ADGRG3: variants seen among roughly 807,000 people sequenced by gnomAD.
ADGRG3 encodes adhesion G protein-coupled receptor G3.
In ADGRG3, 39 loss-of-function variants were observed where a neutral mutation model predicts 54.3. That is an observed-to-expected ratio of 0.72 (90% CI 0.56 to 0.94). The LOEUF (loss-of-function observed/expected upper bound fraction) is 0.94, where lower values mean the gene tolerates loss of function less well. Among genes scored for constraint, ADGRG3 ranks in the 40% least tolerant of loss-of-function variants. The pLI is 0.00. For synonymous variants in ADGRG3, 312 were observed against 290.0 expected, an observed-to-expected ratio of 1.08 and a Z score of -0.77; for missense variants, 654 against 694.6, an observed-to-expected ratio of 0.94 and a Z score of 0.66.
chr16:57,679,718 C>A, intron 5 of ADGRG3, 98 bp from the exon 6 acceptor site: 2 of 941,076 alleles, frequency 2.1e-6, no homozygotes, highest in Non-Finnish European at 3.5e-6. Context: ...AATGCACACT[C>A]ACACTAGGAC....
chr16:57,669,519 G>C (rs1431170268), intron 1 of ADGRG3, among the ~76,000 whole-genome samples: 1 of 152,176 alleles, frequency 6.6e-6, no homozygotes, highest in Admixed American at 6.5e-5. Context: ...ATCGCTGGTT[G>C]GGCCTTCAAG....
chr16:57,688,488 C>G lies in ADGRG3; in HGVS notation c.*27C>G. 1 of 1,306,794 alleles carries G rather than the reference C, an allele frequency of 7.7e-7. No homozygotes were observed. The highest frequency in any genetic ancestry group is 1.2e-5 in the South Asian group (1 of 84,950). 80.9% of individuals were successfully genotyped at this position (1,306,794 alleles called of 1,614,324 possible). ...AAGGCACGGCCCTGCAATATGGACT[C>G]AGCTCTGGCTCTCTGTGTGACCTTG... On this transcript the variant is annotated 3_prime_UTR_variant, in exon 12 of 12. Coordinates refer to ENST00000333493, the MANE Select transcript of ADGRG3 (RefSeq NM_170776.5).
chr16:57,678,125 T>C lies in ADGRG3; in HGVS notation c.346-45T>C, dbSNP rs773988585. The C allele has an allele frequency of 4.4e-6, 7 of 1,599,736 alleles. 1 individual carries two copies. Among genetic ancestry groups the C allele is most frequent in the Admixed American group, 1.7e-5 (1 of 59,586 alleles). On this transcript the variant is annotated intron_variant, in intron 3 of 11. Coordinates refer to ENST00000333493, the MANE Select transcript of ADGRG3 (RefSeq NM_170776.5). ...AGCTGGGGGAGTGGCAGGACTCGTG[T>C]TGGGGGGTGGGTACAGATGGGAGCT...
chr16:57,681,350 GTGT>G (rs2048363999), intron 8 of ADGRG3: 1 of 40,300 alleles, frequency 2.5e-5, no homozygotes, highest in Non-Finnish European at 5.6e-5. Context: ...GTGTGTGTCT[GTGT>G]GTGTGTGTGT....
rs758344848 is a variant in ADGRG3 at position 57,684,109 on chromosome 16, C to CAGG, written c.1060_1061insGGA (p.Phe353_Thr354insArg). On this transcript the variant is annotated inframe_insertion, in exon 9 of 12. Transcript: ENST00000333493. ...TCCACTACTTCCTGCTCTGTGCCTT[C>CAGG]ACCTGGATGGGCCTTGAAGCCTTCC... 6.2e-7 allele frequency: 1 copy of CAGG among 1,613,944 alleles called. No individual in the cohort carries two copies. Among genetic ancestry groups the CAGG allele is most frequent in the African/African-American group, 1.3e-5 (1 of 74,898 alleles).
intron 8 of ADGRG3, among the ~76,000 whole-genome samples, chr16:57,683,490 G>A (rs994911883): frequency 6.6e-6 from 1 of 152,142 alleles, no homozygotes; most frequent in Non-Finnish European, 1.5e-5. Flanking sequence ...GCCGGCCACG[G>A]GGTCCCTTTT....
At chr16:57,678,057 C>G in intron 3 of ADGRG3, 113 bp from the exon 4 acceptor site, 1 of 1,309,874 alleles carries the variant, frequency 7.6e-7, no homozygotes, top group South Asian at 1.3e-5. Flanking sequence ...AGCTGACAGT[C>G]CCCAGGTGCT....
intron 4 of ADGRG3, chr16:57,678,639 G>T: frequency 4.9e-6 from 2 of 404,932 alleles, no homozygotes; most frequent in Non-Finnish European, 9.2e-6. Flanking sequence ...TTCTATTCTT[G>T]TGCACGCACA....
chr16:57,684,304 C>A, intron 9 of ADGRG3, 86 bp from the exon 10 acceptor site: 3 of 1,566,392 alleles, frequency 1.9e-6, no homozygotes, highest in South Asian at 2.3e-5. Flanking sequence ...GTTCCCAGAG[C>A]TGGAGGGATG....
rs1469180819 is a variant in ADGRG3, at chr16:57,688,616, G to T, written c.*155G>T. On this transcript the variant is annotated 3_prime_UTR_variant, in exon 12 of 12. Coordinates refer to ENST00000333493, the MANE Select transcript of ADGRG3 (RefSeq NM_170776.5). ...CAGGTTGGACCACGTGGCATCAGAG[G>T]TCCCATCCAGATCCAACTATAGGTC... is the stretch of plus-strand genomic sequence containing the variant. 6 of 636,804 alleles carry T rather than the reference G, an allele frequency of 9.4e-6. No individual in the cohort carries two copies. Among genetic ancestry groups the T allele is most frequent in the East Asian group, 5.5e-5 (2 of 36,648 alleles). The allele number at this position is 636,804 out of a possible 1,614,324, so 39.4% of individuals were successfully genotyped here.
At chr16:57,671,919 A>G (rs9938646) in intron 1 of ADGRG3, among the ~76,000 whole-genome samples, 51,092 of 152,146 alleles carry the variant, frequency 0.34, 9,508 homozygotes, top group African/African-American at 0.51. Flanking sequence ...AGCACTTTGG[A>G]AGGCCAGGGT....
rs752496259 is a variant in ADGRG3, at chr16:57,679,331, C to T, written c.627+20C>T. 1.2e-5 allele frequency: 20 copies of T among 1,612,872 alleles called. No homozygotes were observed. Among genetic ancestry groups the T allele is most frequent in the Admixed American group, 1.7e-5 (1 of 59,992 alleles). On this transcript the variant is annotated intron_variant, in intron 5 of 11. Transcript: ENST00000333493. ...CCCCCTGTGAGTCCCCTGCTCAGGC[C>T]TGGCAGCCACTGCAGGGCAGACAGG... is the stretch of plus-strand genomic sequence containing the variant.
intron 1 of ADGRG3, among the ~76,000 whole-genome samples, chr16:57,670,456 G>A (rs1224188512): frequency 2.0e-5 from 3 of 151,972 alleles, no homozygotes; most frequent in Non-Finnish European, 2.9e-5. Context: ...AATGGCACCC[G>A]TCCTCAAGCT....
At chr16:57,686,216 C>T (rs769492553) in intron 11 of ADGRG3, among the ~76,000 whole-genome samples, 3 of 152,158 alleles carry the variant, frequency 2.0e-5, no homozygotes, top group Non-Finnish European at 4.4e-5. Flanking sequence ...AGCACAACAC[C>T]AGTATCTGCT....
upstream of ADGRG3, among the ~76,000 whole-genome samples, chr16:57,665,927 C>A (rs1354399715): frequency 2.0e-5 from 3 of 152,126 alleles, no homozygotes; most frequent in Admixed American, 1.3e-4. Flanking sequence ...GGACCAAGAA[C>A]CCCTGTGCCC....
chr16:57,674,089 C>T (rs1310178463), intron 2 of ADGRG3, among the ~76,000 whole-genome samples: 1 of 152,000 alleles, frequency 6.6e-6, no homozygotes, highest in Non-Finnish European at 1.5e-5. Context: ...ATTTTAAGCG[C>T]AGGGAGAGTA....
rs73552781 is a variant in ADGRG3, at chr16:57,673,337, C to G, written c.75C>G (p.Thr25=). Residue 25 remains threonine (T), a synonymous_variant, in exon 2 of 12, where the codon ACC becomes ACG. Transcript: ENST00000333493. ...CTTCCTTAGGTCAGGAAAAGCCCAC[C>G]GAAGGGCCAAGAAACACCTGCCTGG... ...LLPTSGQEKP[T]EGPRNTCLGS... The G allele has an allele frequency of 6.2e-6, 10 of 1,613,052 alleles. No individual in the cohort carries two copies. Among genetic ancestry groups the G allele is most frequent in the African/African-American group, 4.0e-5 (3 of 74,986 alleles).
chr16:57,678,239 C>G lies in ADGRG3; in HGVS notation c.415C>G (p.Arg139Gly), dbSNP rs752179428. 5 of 1,614,144 alleles carry G rather than the reference C, an allele frequency of 3.1e-6. No homozygotes were observed. Among genetic ancestry groups the G allele is most frequent in the Non-Finnish European group, 4.2e-6 (5 of 1,179,996 alleles). Residue 139 changes from arginine to glycine, a missense_variant, in exon 4 of 12, where the codon CGA (arginine) becomes GGA (glycine). Physicochemically the swap from Arg to Gly is moderately radical, Grantham distance 125. Transcript: ENST00000333493. Reference protein sequence around the residue: ...DRVRLPKSLFRSLPGNRSVVR... With the variant: ...DRVRLPKSLFGSLPGNRSVVR... ...AGTGCGACTTCCCAAGAGCCTTTTTCGATCCCTGCCAGGCAACAGGTCTGT... is the reference window on the plus strand; with the variant it reads ...AGTGCGACTTCCCAAGAGCCTTTTTGGATCCCTGCCAGGCAACAGGTCTGT...
At chr16:57,683,584 C>A (rs760235991) in intron 8 of ADGRG3, among the ~76,000 whole-genome samples, 24 of 152,228 alleles carry the variant, frequency 1.6e-4, no homozygotes, top group Non-Finnish European at 3.5e-4. Flanking sequence ...TGCTTCTATT[C>A]TCTGCTTTTA....
Sources: gnomAD v4.1 joint callset for allele counts (sites outside exome capture counted in the v4.1 genomes callset) on GRCh38, gnomAD v4.1.1 for gene constraint, MANE v1.5 for transcripts, NCBI Gene and HGNC (gene_info 2026-07-23, HGNC 2026-07-21) for gene names.